Variants in COBLL1 observed in about 807,000 individuals in gnomAD.
The protein encoded by COBLL1 is cordon-bleu WH2 repeat protein like 1.
In COBLL1, 50 loss-of-function variants were observed where a neutral mutation model predicts 94.8. The observed-to-expected ratio is 0.53, with a 90% CI of 0.42 to 0.67. The LOEUF (loss-of-function observed/expected upper bound fraction) is 0.67, where lower values mean the gene tolerates loss of function less well. Among genes scored for constraint, COBLL1 ranks in the 30% least tolerant of loss-of-function variants. COBLL1 has a pLI of 0.00. For synonymous variants in COBLL1, 448 were observed against 473.8 expected, an observed-to-expected ratio of 0.95 and a Z score of 0.71; for missense variants, 1,362 against 1,348.7, an observed-to-expected ratio of 1.01 and a Z score of -0.15.
chr2:164,727,329 C>A (rs544236006), intron 5 of COBLL1, among the ~76,000 whole-genome samples: 14 of 152,014 alleles, frequency 9.2e-5, no homozygotes, highest in Non-Finnish European at 1.6e-4. Context: ...ACTTTTATTT[C>A]TCTTAGTGAA....
chr2:164,662,339 A>G (rs1412917426), intron 2 of COBLL1, among the ~76,000 whole-genome samples: 1 of 152,200 alleles, frequency 6.6e-6, no homozygotes, highest in Non-Finnish European at 1.5e-5. Flanking sequence ...ACCTTGCTTC[A>G]CACAAGAGAT....
At chr2:164,693,776 T>C (rs1482093587) in intron 12 of COBLL1, among the ~76,000 whole-genome samples, 3 of 152,220 alleles carry the variant, frequency 2.0e-5, no homozygotes, top group African/African-American at 7.2e-5. Context: ...ATGTACAATA[T>C]ATGCAAGCTG....
intron 5 of COBLL1, chr2:164,725,135 A>ATATATATATATATATATGT (rs1558956204): frequency 1.7e-5 from 1 of 57,194 alleles, no homozygotes; most frequent in African/African-American, 7.8e-5. Flanking sequence ...TATATATATA[A>ATATATATATATATATATGT]AATGAAAGCA....
At position 164,841,567 on chromosome 2, in the gene COBLL1, G is replaced by C; in HGVS notation, c.-51+143C>G. On this transcript the variant is annotated intron_variant, in intron 1 of 13. Transcript: ENST00000652658. The surrounding 1 kb of genome is among the most constrained non-coding windows in gnomAD (Gnocchi z 5.5). ...CTGGAAAAGGAGGAGGAGCGGGGCCGGGCGCACGGGCACCGCTGCCACGCC... is the reference window on the plus strand; with the variant it reads ...CTGGAAAAGGAGGAGGAGCGGGGCCCGGCGCACGGGCACCGCTGCCACGCC... The C allele has an allele frequency of 4.7e-5, 28 of 600,662 alleles. No homozygotes were observed. The highest frequency in any genetic ancestry group is 5.8e-5 in the Non-Finnish European group (26 of 446,176). 37.2% of individuals were successfully genotyped at this position (600,662 alleles called of 1,614,324 possible).
intron 2 of COBLL1, among the ~76,000 whole-genome samples, chr2:164,757,673 G>C (rs918645794): frequency 2.6e-5 from 4 of 151,976 alleles, no homozygotes; most frequent in Admixed American, 2.6e-4. Flanking sequence ...TAGACCAGGC[G>C]TGGTGGTTCA....
Position 164,730,758 on chromosome 2 carries a change from T to C in COBLL1, c.231-643A>G, listed in dbSNP as rs184102852. On this transcript the variant is annotated intron_variant, in intron 3 of 13. Coordinates refer to ENST00000652658, the MANE Select transcript of COBLL1 (RefSeq NM_001365672.2). ...ACAACACATTATTTGTAATATAACA[T>C]TGGCAGTCTTTAGCTTATGAATTGG... 4.7e-5 allele frequency among the ~76,000 whole-genome samples: 7 copies of C among 147,844 alleles called. No homozygotes were observed. The East Asian group carries it at 1.4e-3, about 29-fold the overall frequency.
rs1279023072 is a variant in COBLL1, at chr2:164,682,668, A to G, written c.*3278T>C. 6.6e-6 allele frequency: 1 copy of G among 152,184 alleles called. No individual in the cohort carries two copies. Among genetic ancestry groups the G allele is most frequent in the Non-Finnish European group, 1.5e-5 (1 of 68,024 alleles). 9.4% of individuals were successfully genotyped at this position (152,184 alleles called of 1,614,324 possible). On this transcript the variant is annotated 3_prime_UTR_variant, in exon 14 of 14. Transcript: ENST00000652658. ...TAATACCTGTTCACTTATAGTATTG[A>G]CATCAGGTAACTTTAAAAGATGAAT...
chr2:164,694,056 G>A (rs539339919), intron 12 of COBLL1, among the ~76,000 whole-genome samples: 3 of 152,216 alleles, frequency 2.0e-5, no homozygotes, highest in Non-Finnish European at 2.9e-5. Flanking sequence ...ATATAATGAT[G>A]ACCTTACAGT....
chr2:164,710,840 C>T (rs916645804), intron 7 of COBLL1, among the ~76,000 whole-genome samples: 9 of 151,856 alleles, frequency 5.9e-5, no homozygotes, highest in Admixed American at 2.0e-4. Context: ...TGAGATTATA[C>T]GCGTGAGCCA....
intron 2 of COBLL1, among the ~76,000 whole-genome samples, chr2:164,783,216 A>G (rs1688792657): frequency 6.6e-6 from 1 of 152,292 alleles, no homozygotes; most frequent in South Asian, 2.1e-4. Flanking sequence ...AGCCTGGTCA[A>G]CATAATGAGA....
At chr2:164,815,246 A>C (rs189431714) in intron 2 of COBLL1, among the ~76,000 whole-genome samples, 2 of 152,114 alleles carry the variant, frequency 1.3e-5, no homozygotes, top group Non-Finnish European at 2.9e-5. Flanking sequence ...TAAAAATACA[A>C]AAATTAGCTG....
intron 2 of COBLL1, among the ~76,000 whole-genome samples, chr2:164,764,318 A>T (rs1687834914): frequency 6.6e-6 from 1 of 152,220 alleles, no homozygotes; most frequent in Non-Finnish European, 1.5e-5. Flanking sequence ...ATTATTTTGA[A>T]ACTATAGTAT....
rs1683775923 is a variant in COBLL1 at position 164,694,301 on chromosome 2, C to A, written c.3091G>T (p.Val1031Leu). 1.9e-6 allele frequency: 3 copies of A among 1,613,824 alleles called. No individual in the cohort carries two copies. Among genetic ancestry groups the A allele is most frequent in the Non-Finnish European group, 2.5e-6 (3 of 1,179,846 alleles). The change falls in exon 12 of 14, where the codon GTG becomes TTG. Residue 1031 changes from valine to leucine, a missense_variant. Val to Leu is a conservative substitution (Grantham distance 32). Coordinates refer to ENST00000652658, the MANE Select transcript of COBLL1 (RefSeq NM_001365672.2). ...GACACACCAAGCTGTGGGATGTCCA[C>A]AAATTTATTTACAGAATGAGTCTTC... Reference protein sequence around the residue: ...EGKTHSVNKFVDIPQLGVSDK... With the variant: ...EGKTHSVNKFLDIPQLGVSDK...
chr2:164,833,074 A>G lies in COBLL1; in HGVS notation c.41+8082T>C, dbSNP rs532420961. On this transcript the variant is annotated intron_variant, in intron 2 of 13. Transcript: ENST00000652658. ...CAAAAAAAACAAAAAACAGAACACTACAAACCCGGCACGGTGGCTCATGCC... is the reference window on the plus strand; with the variant it reads ...CAAAAAAAACAAAAAACAGAACACTGCAAACCCGGCACGGTGGCTCATGCC... 1.2e-4 allele frequency among the ~76,000 whole-genome samples: 19 copies of G among 152,088 alleles called. No individual in the cohort carries two copies. The South Asian group carries it at 3.7e-3, about 30-fold the overall frequency.
At chr2:164,755,764 T>C (rs1164278104) in intron 2 of COBLL1, among the ~76,000 whole-genome samples, 2 of 152,184 alleles carry the variant, frequency 1.3e-5, no homozygotes, top group African/African-American at 2.4e-5. Context: ...TAAATGAAAT[T>C]AGATAGTTCA....
chr2:164,735,033 GT>G (rs1335337513), intron 3 of COBLL1, among the ~76,000 whole-genome samples: 1 of 152,156 alleles, frequency 6.6e-6, no homozygotes, highest in Non-Finnish European at 1.5e-5. Flanking sequence ...TGGAACAGGG[GT>G]TCAGGCCAGC....
At chr2:164,818,933 CTTTT>C (rs1269236976) in intron 2 of COBLL1, among the ~76,000 whole-genome samples, 3 of 148,166 alleles carry the variant, frequency 2.0e-5, no homozygotes, top group Non-Finnish European at 1.5e-5. Context: ...CCAAGCCCGG[CTTTT>C]TTTTTTATTT....
chr2:164,730,124 C>T lies in COBLL1; in HGVS notation c.231-9G>A, dbSNP rs1422654321. The T allele has an allele frequency of 6.2e-7, 1 of 1,605,644 alleles. No homozygotes were observed. The highest frequency in any genetic ancestry group is 2.2e-5 in the East Asian group (1 of 44,764). On this transcript the variant is annotated splice_polypyrimidine_tract_variant and intron_variant, in intron 3 of 13. Transcript: ENST00000652658. ...AGTCCATCATAGGTTTACTGTAAAACAAGAGTATTTCATTACCCGTTATTG... is the reference window on the plus strand; with the variant it reads ...AGTCCATCATAGGTTTACTGTAAAATAAGAGTATTTCATTACCCGTTATTG...
chr2:164,808,499 T>C (rs1347781165), intron 2 of COBLL1, among the ~76,000 whole-genome samples: 2 of 152,184 alleles, frequency 1.3e-5, no homozygotes, highest in Non-Finnish European at 2.9e-5. Flanking sequence ...ATTTCTACCA[T>C]CTGCCTTTGG....
Sources: allele counts gnomAD v4.1 joint callset (sites outside exome capture counted in the v4.1 genomes callset), GRCh38; gene constraint gnomAD v4.1.1; non-coding constraint Gnocchi (gnomAD v3.1); transcripts MANE v1.5; gene names NCBI Gene and HGNC (gene_info 2026-07-23, HGNC 2026-07-21).